REPS2: variants seen among roughly 807,000 people sequenced by gnomAD.
The protein encoded by REPS2 is ralBP1-associated Eps domain-containing protein 2.
In REPS2, 23 loss-of-function variants were observed where a neutral mutation model predicts 53.6. The ratio of observed to expected loss-of-function variants is 0.43; its 90% CI spans 0.31 to 0.61. REPS2 has a LOEUF of 0.61. Ranked by LOEUF, REPS2 falls within the 20% of genes least tolerant of loss-of-function variation. REPS2 has a pLI of 0.11. For missense variants in REPS2, 446 were observed against 534.9 expected (o/e 0.83, Z 1.64); for synonymous variants, 238 against 218.6 (o/e 1.09, Z -0.78).
At chrX:16,980,110 G>GTT (rs756175925) in intron 1 of REPS2, among the ~76,000 whole-genome samples, 6 of 94,978 alleles carry the variant, frequency 6.3e-5, no homozygotes, top group Non-Finnish European at 1.1e-4. Flanking sequence ...ATTATCACCA[G>GTT]TTTTTTTTTT....
At chrX:17,081,338 G>A (rs1013617037) in intron 13 of REPS2, among the ~76,000 whole-genome samples, 22 of 111,644 alleles carry the variant, frequency 2.0e-4, no homozygotes, top group East Asian at 8.5e-4. Flanking sequence ...GAGTGATGAT[G>A]TTTATCCAAA....
At chrX:17,071,654 T>A (rs1473372910) in intron 11 of REPS2, among the ~76,000 whole-genome samples, 1 of 111,831 alleles carries the variant, frequency 8.9e-6, no homozygotes, top group Non-Finnish European at 1.9e-5. Flanking sequence ...ATGTTTGGAT[T>A]CCCAGTGGGA....
the REPS2 span, among the ~76,000 whole-genome samples, chrX:17,178,070 T>C: frequency 8.9e-6 from 1 of 111,911 alleles, no homozygotes; most frequent in Non-Finnish European, 1.9e-5. Flanking sequence ...TAACTAAAAG[T>C]AGTAAACCCC....
the REPS2 span, among the ~76,000 whole-genome samples, chrX:17,177,979 C>G: frequency 1.8e-5 from 2 of 111,179 alleles, no homozygotes; most frequent in Non-Finnish European, 3.8e-5. Context: ...AAGGGGTTAC[C>G]TGCCAAGTGG....
At chrX:16,960,313 G>T (rs987914990) in intron 1 of REPS2, among the ~76,000 whole-genome samples, 3 of 111,390 alleles carry the variant, frequency 2.7e-5, no homozygotes, top group African/African-American at 9.8e-5. Context: ...GCTGCAGTGA[G>T]CACTGATTGT....
chrX:17,122,765 T>C (rs975159332), intron 14 of REPS2, among the ~76,000 whole-genome samples: 1 of 112,302 alleles, frequency 8.9e-6, no homozygotes, highest in Middle Eastern at 4.2e-3. Flanking sequence ...CTATTTCTAA[T>C]TGAAAAATTT....
chrX:17,097,948 C>G (rs904226772), intron 13 of REPS2, among the ~76,000 whole-genome samples: 15 of 111,370 alleles, frequency 1.3e-4, no homozygotes, highest in African/African-American at 4.9e-4. Flanking sequence ...GGTGGCTCTC[C>G]TGGGAAAATT....
chrX:17,115,525 CT>C (rs1289193755), intron 14 of REPS2, among the ~76,000 whole-genome samples: 1 of 111,429 alleles, frequency 9.0e-6, no homozygotes, highest in Non-Finnish European at 1.9e-5. Flanking sequence ...GCATGCCTTC[CT>C]CTTATACTAA....
At chrX:17,115,701 G>A (rs907802432) in intron 14 of REPS2, among the ~76,000 whole-genome samples, 7 of 112,220 alleles carry the variant, frequency 6.2e-5, no homozygotes, top group African/African-American at 9.7e-5. Flanking sequence ...TTGTGTCCCT[G>A]GGTACTTGAG....
chrX:17,033,079 T>G (rs970178051), intron 5 of REPS2, among the ~76,000 whole-genome samples: 1 of 112,519 alleles, frequency 8.9e-6, no homozygotes, highest in East Asian at 2.8e-4. Context: ...GTAATTTTGC[T>G]GGCAAAAGAT....
At chrX:16,965,683 G>A (rs1189029221) in intron 1 of REPS2, among the ~76,000 whole-genome samples, 14 of 112,116 alleles carry the variant, frequency 1.2e-4, no homozygotes, top group Admixed American at 2.8e-4. Flanking sequence ...CCGGGAAGAG[G>A]CGCTCCTCAC....
rs778680217 is a variant in REPS2 at position 17,152,675 on chromosome X, A to G, written c.*5194A>G. ...TGGGGCTGGAACAGTTGATTATGCA[A>G]CCCCATTGTGTGGAGATTGGATCAA... On this transcript the variant is annotated 3_prime_UTR_variant, in exon 18 of 18. Coordinates refer to ENST00000357277, the MANE Select transcript of REPS2 (RefSeq NM_004726.3). The G allele has an allele frequency of 7.1e-5, 8 of 112,086 alleles. No homozygotes were observed. The highest frequency in any genetic ancestry group is 1.3e-4 in the Non-Finnish European group (7 of 53,115). The allele number at this position is 112,086 out of a possible 1,213,427, so 9.2% of individuals were successfully genotyped here. A position where few individuals can be genotyped will look rare whatever the true frequency, so the allele number is the denominator to read the frequency against.
chrX:16,947,272 G>A (rs1161036989), intron 1 of REPS2, 138 bp downstream of exon 1: 23 of 875,345 alleles, frequency 2.6e-5, no homozygotes, highest in Non-Finnish European at 2.8e-5. Flanking sequence ...TCTGCAGCCG[G>A]GGATGGCGGC....
the REPS2 span, among the ~76,000 whole-genome samples, chrX:17,193,713 T>C: frequency 9.0e-6 from 1 of 111,232 alleles, no homozygotes; most frequent in African/African-American, 3.3e-5. Flanking sequence ...AATGACAATG[T>C]GTCAGTTTAA....
At chrX:17,054,363 C>G (rs756292542) in intron 7 of REPS2, among the ~76,000 whole-genome samples, 1 of 112,694 alleles carries the variant, frequency 8.9e-6, no homozygotes, top group East Asian at 2.8e-4. Flanking sequence ...GAGCTTATTT[C>G]TGTGCTCCAG....
In REPS2 at chrX:17,102,028, T is replaced by TTTATG. The variant is rs778594430; in HGVS notation, c.1517-1640_1517-1636dup. Among the ~76,000 whole-genome samples, 423 of 95,289 alleles carry TTTATG rather than the reference T, an allele frequency of 4.4e-3. 2 individuals are homozygous for TTTATG. The highest frequency in any genetic ancestry group is 0.014 in the South Asian group (27 of 1,933). The allele number at this position is 95,289 out of a possible 115,157, so 82.7% of individuals were successfully genotyped here. On this transcript the variant is annotated intron_variant, in intron 13 of 17. Coordinates refer to ENST00000357277, the MANE Select transcript of REPS2 (RefSeq NM_004726.3). ...TTTGCGTAGATTTATTTTATTTTATTTTATGTTATGTTATGTTATGTTATG... is the reference window on the plus strand; with the variant it reads ...TTTGCGTAGATTTATTTTATTTTATTTTATGTTATGTTATGTTATGTTATGTTATG...
At chrX:17,109,541 C>T (rs753168862) in intron 14 of REPS2, among the ~76,000 whole-genome samples, 1 of 111,177 alleles carries the variant, frequency 9.0e-6, no homozygotes, top group South Asian at 3.9e-4. Flanking sequence ...CCTATGGGGA[C>T]AAGAACTCAG....
chrX:17,195,076 G>A, the REPS2 span, among the ~76,000 whole-genome samples: 1 of 112,236 alleles, frequency 8.9e-6, no homozygotes, highest in African/African-American at 3.2e-5. Context: ...AAATGTGGTT[G>A]TGAGGGAGGG....
chrX:17,118,393 C>T (rs1387626366), intron 14 of REPS2, among the ~76,000 whole-genome samples: 2 of 111,456 alleles, frequency 1.8e-5, no homozygotes, highest in Non-Finnish European at 3.8e-5. Flanking sequence ...TGTGATTTGG[C>T]CCCACAGAGA....
Sources: gnomAD v4.1 joint callset for allele counts (sites outside exome capture counted in the v4.1 genomes callset) on GRCh38, gnomAD v4.1.1 for gene constraint, MANE v1.5 for transcripts, NCBI Gene and HGNC (gene_info 2026-07-23, HGNC 2026-07-21) for gene names.